Variants in TJP1 observed in about 807,000 individuals in gnomAD.
The protein encoded by TJP1 is tight junction protein ZO-1.
In TJP1, 43 loss-of-function variants were observed where a neutral mutation model predicts 194.2. The observed-to-expected ratio is 0.22, with a 90% CI of 0.17 to 0.29. The LOEUF (loss-of-function observed/expected upper bound fraction) is 0.29. Among genes scored for constraint, TJP1 ranks in the 10% least tolerant of loss-of-function variants. The pLI, the probability that TJP1 is intolerant of heterozygous loss-of-function variation, is 1.00. For missense variants in TJP1, 1,971 were observed against 2,185.7 expected, an observed-to-expected ratio of 0.90 and a Z score of 1.96; for synonymous variants, 801 against 779.0, an observed-to-expected ratio of 1.03 and a Z score of -0.47.
At chr15:29,867,586 G>A (rs1204815248) in intron 2 of TJP1, among the ~76,000 whole-genome samples, 2 of 152,122 alleles carry the variant, frequency 1.3e-5, no homozygotes, top group East Asian at 1.9e-4. Flanking sequence ...TTATCTCAGT[G>A]TGTAAAAAAT....
At chr15:29,854,745 A>T (rs2051780435) in intron 2 of TJP1, among the ~76,000 whole-genome samples, 1 of 152,194 alleles carries the variant, frequency 6.6e-6, no homozygotes, top group Admixed American at 6.5e-5. Flanking sequence ...CGCACCTGCC[A>T]ATCAAAGCAA....
chr15:29,762,735 A>AT (rs543865000), intron 5 of TJP1, among the ~76,000 whole-genome samples: 54 of 152,272 alleles, frequency 3.5e-4, no homozygotes, highest in African/African-American at 1.2e-3. Flanking sequence ...TTGACCAAGC[A>AT]TTGATACACT....
chr15:29,849,966 C>A (rs903092202), intron 2 of TJP1, among the ~76,000 whole-genome samples: 2 of 152,090 alleles, frequency 1.3e-5, no homozygotes, highest in African/African-American at 4.8e-5. Context: ...GTTCCTTGTT[C>A]TCTCTTGGAT....
chr15:29,731,063 G>A, intron 15 of TJP1: 2 of 809,638 alleles, frequency 2.5e-6, no homozygotes, highest in South Asian at 2.9e-5. Context: ...TTATAAAAAT[G>A]CAGAATTTTG....
At chr15:29,731,090 T>G (rs1482545649) in intron 15 of TJP1, 2 of 726,912 alleles carry the variant, frequency 2.8e-6, no homozygotes, top group Non-Finnish European at 4.8e-6. Context: ...TTTTTTTTTT[T>G]TTTTTTTAAG....
Position 29,734,264 on chromosome 15 carries a change from A to G in TJP1, c.1516+10T>C. The G allele has an allele frequency of 6.4e-7, 1 of 1,574,038 alleles. No homozygotes were observed. Among genetic ancestry groups the G allele is most frequent in the Non-Finnish European group, 8.6e-7 (1 of 1,156,732 alleles). ...AGGTTTATCTCCTCCATTTTCTGAC[A>G]GCATCTCACCATCCTTCTTCTTCTG... On this transcript the variant is annotated intron_variant, in intron 12 of 27. Transcript: ENST00000614355.
chr15:29,867,912 CG>C (rs1421422182), intron 2 of TJP1, among the ~76,000 whole-genome samples: 4 of 151,880 alleles, frequency 2.6e-5, no homozygotes. Context: ...AAAAATTAGC[CG>C]GGTGTGGTGG....
chr15:29,816,395 G>C (rs915836045), intron 1 of TJP1, among the ~76,000 whole-genome samples: 1 of 152,110 alleles, frequency 6.6e-6, no homozygotes, highest in Non-Finnish European at 1.5e-5. Context: ...ACCACAATTT[G>C]AAACATAACT....
At chr15:29,897,894 A>T (rs768421613) in intron 2 of TJP1, among the ~76,000 whole-genome samples, 1 of 152,210 alleles carries the variant, frequency 6.6e-6, no homozygotes, top group African/African-American at 2.4e-5. Flanking sequence ...GGAAGTAACT[A>T]ACTTGCTTTT....
intron 2 of TJP1, among the ~76,000 whole-genome samples, chr15:29,903,811 T>A (rs1317443963): frequency 6.6e-6 from 1 of 152,194 alleles, no homozygotes; most frequent in Non-Finnish European, 1.5e-5. Flanking sequence ...TCAGGGGAAC[T>A]TCGGGGAAAA....
rs548217306 is a variant in TJP1, at chr15:29,828,060, C to T, written c.307-27358G>A. ...AACAGAACAACATCCACTGCATTCCCATTCCTATAATTACCCAGGAATACC... is the reference window on the plus strand; with the variant it reads ...AACAGAACAACATCCACTGCATTCCTATTCCTATAATTACCCAGGAATACC... On this transcript the variant is annotated intron_variant, in intron 2 of 28. Transcript: ENST00000356107. Among the ~76,000 whole-genome samples, 55 of 152,280 alleles carry T rather than the reference C, an allele frequency of 3.6e-4. 1 individual carries two copies. Among genetic ancestry groups the T allele is most frequent in the African/African-American group, 1.2e-3 (51 of 41,556 alleles).
intron 24 of TJP1, among the ~76,000 whole-genome samples, chr15:29,710,311 C>CTA (rs935537351): frequency 6.6e-6 from 1 of 152,130 alleles, no homozygotes; most frequent in African/African-American, 2.4e-5. Flanking sequence ...CAAGGAGGTG[C>CTA]CTCCTAAGGG....
chr15:29,809,348 T>C (rs367998356), intron 1 of TJP1, among the ~76,000 whole-genome samples: 2 of 152,182 alleles, frequency 1.3e-5, no homozygotes, highest in Non-Finnish European at 2.9e-5. Context: ...CCAACCACCA[T>C]TGTAATCACC....
chr15:29,879,819 C>T (rs972779175), intron 2 of TJP1, among the ~76,000 whole-genome samples: 4 of 152,184 alleles, frequency 2.6e-5, no homozygotes, highest in Admixed American at 2.0e-4. Flanking sequence ...TCAGGTGATC[C>T]TCTCACCTTA....
At chr15:29,932,343 C>T (rs1316017838) in intron 2 of TJP1, among the ~76,000 whole-genome samples, 2 of 152,070 alleles carry the variant, frequency 1.3e-5, no homozygotes, top group African/African-American at 4.8e-5. Context: ...ATATGGAAAC[C>T]TGGCATTTGA....
At chr15:29,856,545 A>T (rs2051857595) in intron 2 of TJP1, among the ~76,000 whole-genome samples, 2 of 152,188 alleles carry the variant, frequency 1.3e-5, no homozygotes, top group African/African-American at 4.8e-5. Context: ...GTATCATGTC[A>T]AGAAATAAAC....
At position 29,700,505 on chromosome 15, in the gene TJP1, G is replaced by C; in HGVS notation, c.*1090C>G. 2.5e-6 allele frequency: 1 copy of C among 398,760 alleles called. No individual in the cohort carries two copies. Among genetic ancestry groups the C allele is most frequent in the Non-Finnish European group, 4.4e-6 (1 of 225,992 alleles). The allele number at this position is 398,760 out of a possible 1,614,324, so 24.7% of individuals were successfully genotyped here. ...AGAAACGCTGCTTTATTGCTGCAGAGGTCAAAGTTCAAGGCTCAAGAGGTA... is the reference window on the plus strand; with the variant it reads ...AGAAACGCTGCTTTATTGCTGCAGACGTCAAAGTTCAAGGCTCAAGAGGTA... On this transcript the variant is annotated 3_prime_UTR_variant, in exon 28 of 28. Transcript: ENST00000614355.
At chr15:29,773,164 C>T (rs1023086659) in intron 3 of TJP1, 69 bp downstream of exon 3, 2 of 1,580,380 alleles carry the variant, frequency 1.3e-6, no homozygotes, top group African/African-American at 1.3e-5. Context: ...CAGTGTAAGA[C>T]AGTACGCCAG....
intron 2 of TJP1, among the ~76,000 whole-genome samples, chr15:29,887,832 T>A (rs1470126304): frequency 1.3e-5 from 2 of 152,214 alleles, no homozygotes; most frequent in Non-Finnish European, 2.9e-5. Context: ...CTATAACATT[T>A]GTATAAGATT....
Sources: allele counts gnomAD v4.1 joint callset (sites outside exome capture counted in the v4.1 genomes callset), GRCh38; gene constraint gnomAD v4.1.1; transcripts MANE v1.5; gene names NCBI Gene and HGNC (gene_info 2026-07-23, HGNC 2026-07-21).